SUMF1: variants seen among roughly 807,000 people sequenced by gnomAD.
SUMF1 encodes the protein sulfatase modifying factor 1.
SUMF1 carries 48 observed loss-of-function variants against 47.6 expected under a neutral mutation model. The ratio of observed to expected loss-of-function variants is 1.01; its 90% CI spans 0.80 to 1.28. The LOEUF (loss-of-function observed/expected upper bound fraction) is 1.28, where lower values mean the gene tolerates loss of function less well. Among genes scored for constraint, SUMF1 ranks in the 50% most tolerant of loss-of-function variants. SUMF1 has a pLI of 0.00. For missense variants in SUMF1, 571 were observed against 485.4 expected (o/e 1.18, Z -1.66); for synonymous variants, 230 against 192.1 (o/e 1.20, Z -1.63).
At chr3:4,076,433 G>C (rs1183125237) in intron 8 of SUMF1, among the ~76,000 whole-genome samples, 1 of 152,016 alleles carries the variant, frequency 6.6e-6, no homozygotes, top group African/African-American at 2.4e-5. Context: ...CATAGGCATG[G>C]GCAAAGACTT....
At chr3:4,179,896 C>T (rs1178169450) in intron 8 of SUMF1, among the ~76,000 whole-genome samples, 1 of 152,150 alleles carries the variant, frequency 6.6e-6, no homozygotes, top group Non-Finnish European at 1.5e-5. Context: ...TATGAACACA[C>T]ACTTCTCAAA....
chr3:4,300,979 TTCTC>T (rs1168802708), intron 8 of SUMF1, among the ~76,000 whole-genome samples: 3 of 143,480 alleles, frequency 2.1e-5, no homozygotes, highest in Non-Finnish European at 3.0e-5. Flanking sequence ...AACAAAATGT[TTCTC>T]TATCTATCTA....
intron 8 of SUMF1, chr3:4,313,754 C>T (rs149255014): frequency 1.2e-6 from 2 of 1,613,898 alleles, no homozygotes; most frequent in African/African-American, 1.3e-5. Context: ...AAGCGATTGA[C>T]CCTTGAGGTG....
At chr3:4,428,631 G>A (rs1702140299) in intron 3 of SUMF1, among the ~76,000 whole-genome samples, 1 of 152,152 alleles carries the variant, frequency 6.6e-6, no homozygotes, top group Non-Finnish European at 1.5e-5. Flanking sequence ...TGGGATTACA[G>A]GCATGAGCCA....
At chr3:4,321,353 A>G (rs1284681937) in intron 8 of SUMF1, among the ~76,000 whole-genome samples, 1 of 151,780 alleles carries the variant, frequency 6.6e-6, no homozygotes, top group African/African-American at 2.4e-5. Context: ...TTTTTATACC[A>G]TTCTCCAACA....
chr3:4,307,868 A>AC (rs1300194001), intron 8 of SUMF1, among the ~76,000 whole-genome samples: 1 of 152,096 alleles, frequency 6.6e-6, no homozygotes, highest in African/African-American at 2.4e-5. Flanking sequence ...ACAAAGTGAG[A>AC]CCCCATCTCT....
intron 1 of SUMF1, among the ~76,000 whole-genome samples, chr3:4,456,945 C>CGTGTGTGT (rs2079656060): frequency 1.8e-5 from 1 of 55,914 alleles, no homozygotes; most frequent in Admixed American, 2.0e-4. Flanking sequence ...CGTGTGTGTA[C>CGTGTGTGT]ATATATACGT....
intron 8 of SUMF1, among the ~76,000 whole-genome samples, chr3:4,167,088 A>G (rs144360859): frequency 1.7e-3 from 265 of 152,136 alleles, no homozygotes; most frequent in African/African-American, 6.2e-3. Context: ...ATGTGTCTGG[A>G]GTTGGTTCCT....
intron 8 of SUMF1, among the ~76,000 whole-genome samples, chr3:4,166,917 C>A (rs975261213): frequency 6.6e-6 from 1 of 152,100 alleles, no homozygotes; most frequent in African/African-American, 2.4e-5. Flanking sequence ...GAAAGGCTGA[C>A]ACCCATGTGT....
intron 8 of SUMF1, among the ~76,000 whole-genome samples, chr3:4,245,266 T>C (rs75567288): frequency 0.021 from 3,152 of 152,198 alleles, 124 homozygotes; most frequent in African/African-American, 0.072. Flanking sequence ...CTCCATCCAG[T>C]TTTGTTCCCT....
At chr3:4,316,479 C>T (rs751079564) in intron 8 of SUMF1, 30 of 1,603,306 alleles carry the variant, frequency 1.9e-5, no homozygotes, top group African/African-American at 5.4e-5. Flanking sequence ...TACAACTACA[C>T]GAGAAGTTGC....
chr3:4,243,667 A>G (rs1696596374), intron 8 of SUMF1, among the ~76,000 whole-genome samples: 1 of 152,056 alleles, frequency 6.6e-6, no homozygotes, highest in South Asian at 2.1e-4. Flanking sequence ...TTTGCTGAGG[A>G]GTGTTTTACT....
chr3:4,316,573 C>T (rs1250077702), intron 8 of SUMF1: 1 of 1,552,708 alleles, frequency 6.4e-7, no homozygotes. Flanking sequence ...AAGTGGGTGC[C>T]TCATGAGCTG....
At chr3:4,042,944 G>T (rs1265895013) in intron 9 of SUMF1, among the ~76,000 whole-genome samples, 1 of 152,120 alleles carries the variant, frequency 6.6e-6, no homozygotes, top group Non-Finnish European at 1.5e-5. Flanking sequence ...TATTCTCTCT[G>T]CTGTTTTCCC....
intron 8 of SUMF1, among the ~76,000 whole-genome samples, chr3:4,147,459 C>T (rs1265359620): frequency 2.0e-5 from 3 of 152,136 alleles, no homozygotes; most frequent in Non-Finnish European, 4.4e-5. Context: ...CCTAATCTTT[C>T]ATTTTTTTAT....
intron 8 of SUMF1, among the ~76,000 whole-genome samples, chr3:4,113,510 A>G (rs761094653): frequency 1.3e-5 from 2 of 151,814 alleles, no homozygotes; most frequent in Non-Finnish European, 2.9e-5. Flanking sequence ...CCTGGGTCAC[A>G]GTGAGACCCT....
intron 8 of SUMF1, among the ~76,000 whole-genome samples, chr3:4,090,407 G>A (rs1692760502): frequency 6.6e-6 from 1 of 152,076 alleles, no homozygotes; most frequent in Admixed American, 6.5e-5. Context: ...CTATGTGTGA[G>A]TGCACATTGT....
At chr3:4,315,579 AG>A (rs1203736495) in intron 8 of SUMF1, among the ~76,000 whole-genome samples, 2 of 152,176 alleles carry the variant, frequency 1.3e-5, no homozygotes. Context: ...TAAGAGTCAA[AG>A]AGTCTTTATT....
At chr3:4,454,563 C>CT (rs1434293029) in intron 1 of SUMF1, among the ~76,000 whole-genome samples, 4 of 152,170 alleles carry the variant, frequency 2.6e-5, no homozygotes, top group Non-Finnish European at 5.9e-5. Flanking sequence ...TATGACCCTG[C>CT]AGTTCTCCTA....
Sources: allele counts gnomAD v4.1 joint callset (sites outside exome capture counted in the v4.1 genomes callset), GRCh38; gene constraint gnomAD v4.1.1; transcripts MANE v1.5; gene names NCBI Gene and HGNC (gene_info 2026-07-23, HGNC 2026-07-21).